RBFOX2: variants seen among roughly 807,000 people sequenced by gnomAD.
RBFOX2 encodes RNA binding fox-1 homolog 2.
A neutral mutation model predicts 49.1 loss-of-function variants in RBFOX2; 10 were observed. The ratio of observed to expected loss-of-function variants is 0.20; its 90% CI spans 0.13 to 0.35. RBFOX2 has a LOEUF of 0.35. RBFOX2 is among the 10% of genes least tolerant of loss of function. The pLI is 1.00. For missense variants in RBFOX2, 323 were observed against 486.9 expected, an observed-to-expected ratio of 0.66 and a Z score of 3.17; for synonymous variants, 183 against 187.4, an observed-to-expected ratio of 0.98 and a Z score of 0.19.
exon 12 of RBFOX2, chr22:35,744,135 T>C (rs1931296486): frequency 7.3e-7 from 1 of 1,367,816 alleles, no homozygotes; most frequent in Non-Finnish European, 1.0e-6. Context: ...GTTCCTCTAC[T>C]AGTAAATATT....
intron 1 of RBFOX2, among the ~76,000 whole-genome samples, chr22:35,908,463 T>C (rs1204762840): frequency 6.6e-6 from 1 of 152,232 alleles, no homozygotes; most frequent in Non-Finnish European, 1.5e-5. Context: ...GCCTATTTTA[T>C]AATAAAGTGT....
intron 2 of RBFOX2, among the ~76,000 whole-genome samples, chr22:35,802,256 T>C (rs1265429024): frequency 1.3e-5 from 2 of 151,898 alleles, no homozygotes; most frequent in African/African-American, 2.4e-5. Context: ...GAAACAGAAA[T>C]GGGCAATGAT....
intron 1 of RBFOX2, among the ~76,000 whole-genome samples, chr22:35,819,144 T>C (rs1479341811): frequency 6.6e-6 from 1 of 152,152 alleles, no homozygotes; most frequent in Non-Finnish European, 1.5e-5. Flanking sequence ...ATGATGAGCA[T>C]ATAGGAAGTG....
intron 1 of RBFOX2, among the ~76,000 whole-genome samples, chr22:35,966,997 A>T (rs1013903623): frequency 4.6e-5 from 7 of 151,334 alleles, no homozygotes; most frequent in Non-Finnish European, 1.0e-4. Context: ...AAAAAAAAAA[A>T]TTGTAGAGAT....
At chr22:35,752,296 G>A (rs996940766) in intron 9 of RBFOX2, among the ~76,000 whole-genome samples, 24 of 152,136 alleles carry the variant, frequency 1.6e-4, no homozygotes, top group African/African-American at 5.8e-4. Context: ...TAAAAAAACA[G>A]TTTAAATACC....
chr22:35,745,600 T>C (rs536357440), intron 11 of RBFOX2, among the ~76,000 whole-genome samples: 1 of 152,318 alleles, frequency 6.6e-6, no homozygotes, highest in East Asian at 1.9e-4. Flanking sequence ...TCAATGAAAC[T>C]ATGCCACAGG....
At chr22:35,885,193 G>A (rs1200033752) in intron 1 of RBFOX2, among the ~76,000 whole-genome samples, 5 of 151,974 alleles carry the variant, frequency 3.3e-5, no homozygotes, top group African/African-American at 7.3e-5. Context: ...GGAGAACACA[G>A]ACACAGCAAC....
chr22:35,820,110 G>A (rs1954125130), intron 1 of RBFOX2, among the ~76,000 whole-genome samples: 1 of 152,192 alleles, frequency 6.6e-6, no homozygotes, highest in African/African-American at 2.4e-5. Context: ...GTAGCAGTGG[G>A]GAAAGAGGGA....
At chr22:36,000,931 T>G (rs990506038) in intron 1 of RBFOX2, among the ~76,000 whole-genome samples, 2 of 152,192 alleles carry the variant, frequency 1.3e-5, no homozygotes, top group African/African-American at 4.8e-5. Context: ...ACAGATCATC[T>G]TGATCTAACC....
At chr22:35,808,895 A>C (rs1238721546) in intron 2 of RBFOX2, among the ~76,000 whole-genome samples, 1 of 152,058 alleles carries the variant, frequency 6.6e-6, no homozygotes, top group Non-Finnish European at 1.5e-5. Context: ...ACCTATTATT[A>C]ATTTATGACA....
In RBFOX2 at chr22:35,888,331, C is replaced by T. The variant is rs1209999831; in HGVS notation, c.-34+50516G>A. 3.9e-5 allele frequency among the ~76,000 whole-genome samples: 6 copies of T among 152,142 alleles called. No homozygotes were observed. The South Asian group carries it at 1.2e-3, about 31-fold the overall frequency. On this transcript the variant is annotated intron_variant, in intron 1 of 13. Transcript: ENST00000359369. ...ATAGTAGTCATGTATCACTTAACAA[C>T]AGGAATGTGTTCTGAGAAATGCATC...
At chr22:35,763,838 A>C (rs1228421632) in intron 6 of RBFOX2, among the ~76,000 whole-genome samples, 1 of 152,238 alleles carries the variant, frequency 6.6e-6, no homozygotes, top group Non-Finnish European at 1.5e-5. Flanking sequence ...CAATTTATAA[A>C]TATGAAAACA....
rs1431501703 is a variant in RBFOX2, at chr22:35,897,261, C to T, written c.-34+41586G>A. 3.3e-6 allele frequency: 5 copies of T among 1,494,866 alleles called. No individual in the cohort carries two copies. In the Admixed American group the frequency reaches 8.4e-5, roughly 25 times the overall value. The allele number at this position is 1,494,866 out of a possible 1,614,324, so 92.6% of individuals were successfully genotyped here. ...CCAAAACCAAGAGTTGCTCGGGAGG[C>T]ACTAAATGTTGACGGTCTTGGCCAG... On this transcript the variant is annotated intron_variant, in intron 1 of 13. Coordinates refer to the RBFOX2 transcript ENST00000359369.
intron 1 of RBFOX2, among the ~76,000 whole-genome samples, chr22:35,890,303 G>A (rs2047090854): frequency 6.6e-6 from 1 of 152,034 alleles, no homozygotes; most frequent in African/African-American, 2.4e-5. Context: ...TCATCTGTGG[G>A]AAATATATTC....
chr22:35,767,676 T>C lies in RBFOX2; in HGVS notation c.546+581A>G, dbSNP rs571544898. Among the ~76,000 whole-genome samples the C allele has an allele frequency of 8.5e-5, 13 of 152,300 alleles. No individual in the cohort carries two copies. In the South Asian group the frequency reaches 2.5e-3, roughly 29 times the overall value. Reference sequence around the variant, plus strand: ...TTTAAGAATTTTATCCATAAAAATTTAGATACCAAAATTCTTGGTATTAGA... The same window carrying C: ...TTTAAGAATTTTATCCATAAAAATTCAGATACCAAAATTCTTGGTATTAGA... On this transcript the variant is annotated intron_variant, in intron 5 of 11. Coordinates refer to ENST00000405409, the Ensembl canonical transcript of RBFOX2.
At chr22:35,919,366 CA>C (rs1451381265) in intron 1 of RBFOX2, among the ~76,000 whole-genome samples, 1 of 152,048 alleles carries the variant, frequency 6.6e-6, no homozygotes, top group Non-Finnish European at 1.5e-5. Context: ...GGCGAAATGC[CA>C]CCTCAACTAA....
chr22:35,781,727 T>A (rs371729284), exon 3 of RBFOX2: 2 of 1,614,192 alleles, frequency 1.2e-6, no homozygotes, highest in Non-Finnish European at 1.7e-6. Context: ...GCCGTCTGTC[T>A]GTGCTCCACC....
At chr22:35,780,910 T>G (rs992558217) in intron 3 of RBFOX2, among the ~76,000 whole-genome samples, 1 of 152,178 alleles carries the variant, frequency 6.6e-6, no homozygotes, top group Non-Finnish European at 1.5e-5. Context: ...CAAAGCTAAG[T>G]AGAGAGTGGC....
chr22:36,028,355 C>G (rs777978058), exon 1 of RBFOX2: 1 of 1,435,436 alleles, frequency 7.0e-7, no homozygotes, highest in African/African-American at 1.5e-5. Context: ...CTCCGACTCC[C>G]GCTTCATGCC....
Sources: gnomAD v4.1 joint callset for allele counts (sites outside exome capture counted in the v4.1 genomes callset) on GRCh38, gnomAD v4.1.1 for gene constraint, MANE v1.5 for transcripts, NCBI Gene and HGNC (gene_info 2026-07-23, HGNC 2026-07-21) for gene names.